The following ACSM2A variants were observed in gnomAD, a reference collection of about 807,000 sequenced individuals.
The protein encoded by ACSM2A is acyl-coenzyme A synthetase ACSM2A, mitochondrial.
A neutral mutation model predicts 76.6 loss-of-function variants in ACSM2A; 72 were observed. That is an observed-to-expected ratio of 0.94 (90% confidence interval 0.78 to 1.14). The LOEUF is 1.14. Ranked by LOEUF, ACSM2A falls within the 50% of genes most tolerant of loss-of-function variation. The probability of loss-of-function intolerance (pLI) is 0.00; values close to 1 mark genes in which losing one functional copy is unlikely to be tolerated. For missense variants in ACSM2A, 684 were observed against 708.5 expected (o/e 0.97, Z 0.39); for synonymous variants, 249 against 255.9 (o/e 0.97, Z 0.26).
intron 5 of ACSM2A, 60 bp downstream of exon 5, chr16:20,471,276 TG>T: frequency 6.3e-7 from 1 of 1,580,504 alleles, no homozygotes; most frequent in Non-Finnish European, 8.6e-7. Flanking sequence ...AGAAGGAGAA[TG>T]AGACCCAATT....
intron 2 of ACSM2A, among the ~76,000 whole-genome samples, chr16:20,464,050 A>G (rs536472404): frequency 6.6e-6 from 1 of 152,266 alleles, no homozygotes; most frequent in Admixed American, 6.5e-5. Context: ...AAAATATAGG[A>G]AGGAGGACCT....
At chr16:20,465,014 T>C (rs2012890703) in intron 2 of ACSM2A, among the ~76,000 whole-genome samples, 1 of 152,078 alleles carries the variant, frequency 6.6e-6, no homozygotes, top group African/African-American at 2.4e-5. Context: ...AAAGTGATAT[T>C]TGCCTTTTTA....
chr16:20,482,592 G>A (rs540313517), intron 12 of ACSM2A: 1 of 162,632 alleles, frequency 6.1e-6, no homozygotes, highest in Admixed American at 5.7e-5. Flanking sequence ...GGCCATGGGG[G>A]ATCCCCTGCT....
intron 7 of ACSM2A, 94 bp downstream of exon 7, chr16:20,475,535 A>T: frequency 2.5e-6 from 4 of 1,602,854 alleles, no homozygotes; most frequent in Non-Finnish European, 3.4e-6. Context: ...TCTCTCGCAC[A>T]CAGAGAGCCC....
chr16:20,469,746 G>T (rs777452109), intron 4 of ACSM2A, 27 bp downstream of exon 4: 1 of 1,612,988 alleles, frequency 6.2e-7, no homozygotes, highest in African/African-American at 1.3e-5. Context: ...CTCAGCCTGG[G>T]TTTTAACTAA....
At chr16:20,468,044 A>G (rs924266884) in intron 3 of ACSM2A, among the ~76,000 whole-genome samples, 2 of 152,112 alleles carry the variant, frequency 1.3e-5, no homozygotes, top group African/African-American at 2.4e-5. Flanking sequence ...GGAATTAGAA[A>G]CTATCAGAGG....
Position 20,480,937 on chromosome 16 carries a change from T to C in ACSM2A, c.1509+16T>C, listed in dbSNP as rs1184818423. On this transcript the variant is annotated intron_variant, in intron 12 of 13. Coordinates refer to ENST00000573854, the MANE Select transcript of ACSM2A (RefSeq NM_001308172.2). The stretch of plus-strand genomic sequence containing the variant: ...CCGAGGAGAGGTGATGGGGAAGCAG[T>C]AGCCTGGGGGTGAACACATATGAAC... 2.5e-6 allele frequency: 4 copies of C among 1,613,606 alleles called. No homozygotes were observed. The highest frequency in any genetic ancestry group is 1.6e-4 in the Middle Eastern group (1 of 6,078).
intron 6 of ACSM2A, among the ~76,000 whole-genome samples, chr16:20,472,134 A>C (rs2013453240): frequency 6.6e-6 from 1 of 152,206 alleles, no homozygotes; most frequent in Non-Finnish European, 1.5e-5. Flanking sequence ...AAGTACACAG[A>C]GTGCCACCAT....
chr16:20,458,194 G>A (rs2012311301), intron 1 of ACSM2A, among the ~76,000 whole-genome samples: 1 of 151,232 alleles, frequency 6.6e-6, no homozygotes, highest in South Asian at 2.1e-4. Context: ...GCTCATGGAT[G>A]GGTAGAATAA....
rs1169857498 is a variant in ACSM2A at position 20,487,111 on chromosome 16, GAAGA to G, written c.*438_*441del. ...AAAGAAATAAAGAGAGAAAGAGAAA[GAAGA>G]AAGAGCAAAAGAACACAAGAAAGAA... On this transcript the variant is annotated 3_prime_UTR_variant, in exon 14 of 14. Coordinates refer to ENST00000573854, the MANE Select transcript of ACSM2A (RefSeq NM_001308172.2). 3 of 151,278 alleles carry G rather than the reference GAAGA, an allele frequency of 2.0e-5. No individual in the cohort carries two copies. Among genetic ancestry groups the G allele is most frequent in the African/African-American group, 7.4e-5 (3 of 40,812 alleles). 9.4% of individuals were successfully genotyped at this position (151,278 alleles called of 1,614,324 possible). A position where few individuals can be genotyped will look rare whatever the true frequency, so the allele number is the denominator to read the frequency against.
chr16:20,486,091 C>T (rs2014370298), intron 13 of ACSM2A, among the ~76,000 whole-genome samples: 1 of 152,182 alleles, frequency 6.6e-6, no homozygotes, highest in Admixed American at 6.5e-5. Context: ...CAGATTAACC[C>T]AGATTAATAA....
At chr16:20,477,129 G>A (rs1213558537) in intron 8 of ACSM2A, 9 of 556,946 alleles carry the variant, frequency 1.6e-5, no homozygotes, top group Non-Finnish European at 2.3e-5. Flanking sequence ...TAATGTGATT[G>A]TTAGGTCCTC....
chr16:20,473,372 A>T (rs1382415337), intron 6 of ACSM2A, among the ~76,000 whole-genome samples: 1 of 152,198 alleles, frequency 6.6e-6, no homozygotes, highest in African/African-American at 2.4e-5. Flanking sequence ...TATAAAGCCC[A>T]TTGGGAAAAT....
intron 8 of ACSM2A, chr16:20,476,666 G>A: frequency 1.0e-6 from 1 of 986,984 alleles, no homozygotes. Flanking sequence ...TGAGGTGGGT[G>A]GATAAACTTG....
intron 2 of ACSM2A, among the ~76,000 whole-genome samples, chr16:20,464,686 G>A (rs999529523): frequency 2.0e-4 from 30 of 152,128 alleles, no homozygotes. Flanking sequence ...TTCAACATGA[G>A]ACTTGGAGAG....
At chr16:20,477,701 A>G (rs1439111303) in intron 9 of ACSM2A, among the ~76,000 whole-genome samples, 2 of 152,350 alleles carry the variant, frequency 1.3e-5, no homozygotes, top group South Asian at 2.1e-4. Context: ...TAGACAGTAC[A>G]CAAGTATATA....
chr16:20,483,184 C>A lies in ACSM2A; in HGVS notation c.1629+7C>A. On this transcript the variant is annotated splice_region_variant and intron_variant, in intron 13 of 13. Transcript: ENST00000573854. Reference sequence around the variant, plus strand: ...ATACAAGTACCCAAGAAAGGTAAGGCCTTTGAGCTCCCAAGTCACTCAAAC... The same window carrying A: ...ATACAAGTACCCAAGAAAGGTAAGGACTTTGAGCTCCCAAGTCACTCAAAC... The A allele has an allele frequency of 6.2e-7, 1 of 1,613,196 alleles. No homozygotes were observed. The highest frequency in any genetic ancestry group is 8.5e-7 in the Non-Finnish European group (1 of 1,179,488).
In ACSM2A at chr16:20,465,684, A is replaced by AGTGCC. The variant is rs1241208948; in HGVS notation, c.346_350dup (p.Glu118CysfsTer7). 1 of 1,613,826 alleles carries AGTGCC rather than the reference A, an allele frequency of 6.2e-7. No homozygotes were observed. Among genetic ancestry groups the AGTGCC allele is most frequent in the Non-Finnish European group, 8.5e-7 (1 of 1,179,856 alleles). ...ATCGTGTGGCAGTGGTGCTGCCCCG[A>AGTGCC]GTGCCTGAGTGGTGGCTGGTGATCC... On this transcript the variant is annotated frameshift_variant, in exon 3 of 14. Transcript: ENST00000573854. LOFTEE classifies it high-confidence loss of function.
chr16:20,456,476 T>C (rs2012162936), intron 1 of ACSM2A, among the ~76,000 whole-genome samples: 3 of 151,410 alleles, frequency 2.0e-5, no homozygotes, highest in Admixed American at 1.3e-4. Context: ...TGGAATAAAA[T>C]TGGAAATCAA....
Sources: allele counts gnomAD v4.1 joint callset (sites outside exome capture counted in the v4.1 genomes callset), GRCh38; gene constraint gnomAD v4.1.1; transcripts MANE v1.5; gene names NCBI Gene and HGNC (gene_info 2026-07-23, HGNC 2026-07-21).